TTF1: variants seen among roughly 807,000 people sequenced by gnomAD.
TTF1 encodes transcription termination factor, RNA polymerase I.
A neutral mutation model predicts 80.2 loss-of-function variants in TTF1; 64 were observed. The ratio of observed to expected loss-of-function variants is 0.80; its 90% CI spans 0.65 to 0.98. The LOEUF (loss-of-function observed/expected upper bound fraction) is 0.98, where lower values mean the gene tolerates loss of function less well. TTF1 is among the 50% of genes least tolerant of loss of function. TTF1 has a pLI of 0.00. For missense variants in TTF1, 1,023 were observed against 1,086.2 expected (o/e 0.94, Z 0.82); for synonymous variants, 372 against 382.7 (o/e 0.97, Z 0.33).
intron 7 of TTF1, among the ~76,000 whole-genome samples, chr9:132,389,821 T>A (rs499566): frequency 0.93 from 141,066 of 152,212 alleles, 66,356 homozygotes; most frequent in East Asian, 1. Flanking sequence ...GGACTGAAAC[T>A]GTCTCTATGT....
Position 132,402,113 on chromosome 9 carries a change from G to C in TTF1, c.709C>G (p.Pro237Ala). 1 of 1,614,044 alleles carries C rather than the reference G, an allele frequency of 6.2e-7. No homozygotes were observed. The highest frequency in any genetic ancestry group is 8.5e-7 in the Non-Finnish European group (1 of 1,180,006). Residue 237 changes from proline (P) to alanine (A), a missense_variant, in exon 2 of 11, where the codon CCT becomes GCT. Physicochemically the swap from Pro to Ala is conservative, Grantham distance 27. Transcript: ENST00000334270. ...TCTCTGCCTGCTTGCGATCCTTCAGGCATGGCCAGTGTCTCATATTCCCGG... is the reference window on the plus strand; with the variant it reads ...TCTCTGCCTGCTTGCGATCCTTCAGCCATGGCCAGTGTCTCATATTCCCGG... ...SNREYETLAM[P>A]EGSQAGREAG...
At chr9:132,399,333 CTTAAT>C (rs990408001) in intron 3 of TTF1, among the ~76,000 whole-genome samples, 121 of 151,278 alleles carry the variant, frequency 8.0e-4, no homozygotes, top group African/African-American at 2.9e-3. Flanking sequence ...GTCTTTTTTG[CTTAAT>C]TTGTCTTGTC....
intron 10 of TTF1, among the ~76,000 whole-genome samples, chr9:132,377,906 G>T (rs111207590): frequency 6.1e-5 from 8 of 131,028 alleles, no homozygotes; most frequent in African/African-American, 2.4e-4. Context: ...TGGTGTGAGT[G>T]CATGTGTGTG....
chr9:132,381,202 T>C (rs1436454768), intron 9 of TTF1, among the ~76,000 whole-genome samples: 3 of 152,192 alleles, frequency 2.0e-5, no homozygotes, highest in African/African-American at 7.2e-5. Context: ...GCTGAATTTT[T>C]TTTTTTTTTG....
At chr9:132,386,965 G>A (rs751264310) in intron 8 of TTF1, among the ~76,000 whole-genome samples, 26 of 151,994 alleles carry the variant, frequency 1.7e-4, no homozygotes, top group Non-Finnish European at 3.5e-4. Flanking sequence ...CACTGTGAAG[G>A]TCTTTTTTTT....
intron 7 of TTF1, among the ~76,000 whole-genome samples, chr9:132,389,771 T>C (rs1849528962): frequency 6.6e-6 from 1 of 152,186 alleles, no homozygotes; most frequent in Non-Finnish European, 1.5e-5. Context: ...CTCCAGGTCT[T>C]GGAAAAGCTA....
chr9:132,400,088 A>G lies in TTF1; in HGVS notation c.1538T>C (p.Ile513Thr). The change falls in exon 3 of 11, where the codon ATC (isoleucine) becomes ACC (threonine). Residue 513 changes from isoleucine to threonine, a missense_variant. Transcript: ENST00000334270. ...PNIKDRATST[I>T]KRMYRDDLER... ...CAAGTCGTCCCGGTACATCCGCTTG[A>G]TTGTGCTGGTGGCCCTGTCCTTGAT... is the stretch of plus-strand genomic sequence containing the variant. 1 of 1,614,134 alleles carries G rather than the reference A, an allele frequency of 6.2e-7. No individual in the cohort carries two copies. Among genetic ancestry groups the G allele is most frequent in the Non-Finnish European group, 8.5e-7 (1 of 1,180,024 alleles).
At chr9:132,381,097 T>C (rs1204983072) in intron 9 of TTF1, among the ~76,000 whole-genome samples, 12 of 152,170 alleles carry the variant, frequency 7.9e-5, no homozygotes, top group Non-Finnish European at 4.4e-5. Flanking sequence ...TTTTTAAACA[T>C]GTAATTTTAT....
rs1387034001 is a variant in TTF1 at position 132,386,464 on chromosome 9, C to T, written c.2378+92G>A. The T allele has an allele frequency of 8.4e-6, 9 of 1,076,378 alleles. No individual in the cohort carries two copies. In the East Asian group the frequency reaches 2.0e-4, roughly 24 times the overall value. The allele number at this position is 1,076,378 out of a possible 1,614,324, so 66.7% of individuals were successfully genotyped here. On this transcript the variant is annotated intron_variant, in intron 9 of 10. Coordinates refer to ENST00000334270, the MANE Select transcript of TTF1 (RefSeq NM_007344.4). ...TTATACAAAATTCCAAATGCAGCAT[C>T]ATTATCAGCCCTGTAAGATGATAGG...
Position 132,376,302 on chromosome 9 carries a change from G to A in TTF1, c.2465-134C>T, listed in dbSNP as rs989136152. 2.5e-5 allele frequency: 25 copies of A among 1,000,686 alleles called. No homozygotes were observed. The Admixed American group carries it at 3.5e-4, about 14-fold the overall frequency. 62.0% of individuals were successfully genotyped at this position (1,000,686 alleles called of 1,614,324 possible). The stretch of plus-strand genomic sequence containing the variant: ...TGTGTGTAAGGTCTGGTTCCAATTG[G>A]TTTACCCACATTCACTTCTTCAATC... On this transcript the variant is annotated intron_variant, in intron 10 of 10. Coordinates refer to ENST00000334270, the MANE Select transcript of TTF1 (RefSeq NM_007344.4).
In TTF1 at chr9:132,375,958, C is replaced by T. The variant is rs767195873; in HGVS notation, c.2675G>A (p.Cys892Tyr). ...EGQAPCMAHA[C>Y]NSSTLGGQGR... ...TTGGCCTCCCAAAGTACTGGAATTA[C>T]AGGCGTGAGCCATGCATGGCGCCTG... The change falls in exon 11 of 11, where the codon TGT (cysteine) becomes TAT (tyrosine). Residue 892 changes from cysteine to tyrosine, a missense_variant. By Grantham distance (194) the Cys-to-Tyr change is radical (BLOSUM62 -2). Transcript: ENST00000334270. 5.0e-6 allele frequency: 8 copies of T among 1,610,130 alleles called. No individual in the cohort carries two copies. Among genetic ancestry groups the T allele is most frequent in the Non-Finnish European group, 8.5e-7 (1 of 1,178,412 alleles).
In TTF1 at chr9:132,396,455, C is replaced by T. The variant is rs139550431; in HGVS notation, c.1834G>A (p.Asp612Asn). Residue 612 changes from aspartate (D) to asparagine (N), a missense_variant, in exon 5 of 11, where the codon GAT (aspartate) becomes AAT (asparagine). Transcript: ENST00000334270. ...LIYYRAKKMF[D>N]VNNYKGRYSE... Reference sequence around the variant, plus strand: ...TACCTGCCTTTGTAATTGTTGACATCGAACATCTTCTTTGCTCGATAGTAT... The same window carrying T: ...TACCTGCCTTTGTAATTGTTGACATTGAACATCTTCTTTGCTCGATAGTAT... 17 of 1,614,002 alleles carry T rather than the reference C, an allele frequency of 1.1e-5. No homozygotes were observed. Among genetic ancestry groups the T allele is most frequent in the Non-Finnish European group, 1.1e-5 (13 of 1,180,042 alleles).
chr9:132,392,571 CCCTTAG>C (rs1849579708), intron 5 of TTF1, among the ~76,000 whole-genome samples: 1 of 147,302 alleles, frequency 6.8e-6, no homozygotes, highest in African/African-American at 2.6e-5. Context: ...CTCCCTGACC[CCCTTAG>C]CCTGAAGTCC....
At chr9:132,391,970 G>A in intron 6 of TTF1, 106 bp downstream of exon 6, 1 of 1,524,020 alleles carries the variant, frequency 6.6e-7, no homozygotes, top group Non-Finnish European at 8.8e-7. Context: ...AGCTCTTGCG[G>A]AAGACAGGTC....
chr9:132,405,286 C>A (rs928377224), intron 1 of TTF1, among the ~76,000 whole-genome samples: 9 of 150,360 alleles, frequency 6.0e-5, no homozygotes, highest in Non-Finnish European at 1.3e-4. Context: ...CTCACTGCAA[C>A]CTCCGCCTCC....
chr9:132,378,767 A>T (rs1290151966), intron 10 of TTF1, among the ~76,000 whole-genome samples: 1 of 151,920 alleles, frequency 6.6e-6, no homozygotes, highest in East Asian at 1.9e-4. Flanking sequence ...TCATGTGTGC[A>T]TGTGCTGTGT....
intron 2 of TTF1, 106 bp from the exon 3 acceptor site, chr9:132,400,364 G>T (rs546733737): frequency 1.1e-6 from 1 of 911,362 alleles, no homozygotes. Context: ...TTGCTCTGTC[G>T]CCAGGCTGGA....
intron 4 of TTF1, among the ~76,000 whole-genome samples, chr9:132,397,487 C>T (rs1282450258): frequency 6.6e-6 from 1 of 152,176 alleles, no homozygotes; most frequent in Non-Finnish European, 1.5e-5. Flanking sequence ...CACATATGGC[C>T]ACACTTAAAA....
chr9:132,404,758 T>C (rs1273883939), intron 1 of TTF1, among the ~76,000 whole-genome samples: 1 of 152,288 alleles, frequency 6.6e-6, no homozygotes, highest in South Asian at 2.1e-4. Context: ...CCCACCCCAC[T>C]ACTCCACTGA....
Sources: allele counts gnomAD v4.1 joint callset (sites outside exome capture counted in the v4.1 genomes callset), GRCh38; gene constraint gnomAD v4.1.1; transcripts MANE v1.5; gene names NCBI Gene and HGNC (gene_info 2026-07-23, HGNC 2026-07-21).